Variants in ATF7 observed in about 807,000 individuals in gnomAD.
The protein encoded by ATF7 is activating transcription factor 7, also known as cyclic AMP-dependent transcription factor ATF-7.
A neutral mutation model predicts 50.4 loss-of-function variants in ATF7; 10 were observed. The ratio of observed to expected loss-of-function variants is 0.20; its 90% CI spans 0.12 to 0.34. ATF7 has a LOEUF of 0.34. Among genes scored for constraint, ATF7 ranks in the 10% least tolerant of loss-of-function variants. The pLI is 1.00. For synonymous variants in ATF7, 201 were observed against 226.4 expected (o/e 0.89, Z 1.01); for missense variants, 465 against 613.9 (o/e 0.76, Z 2.56).
At chr12:53,536,258 T>A (rs1273600407) in intron 5 of ATF7, among the ~76,000 whole-genome samples, 1 of 152,070 alleles carries the variant, frequency 6.6e-6, no homozygotes, top group East Asian at 1.9e-4. Flanking sequence ...TCACTCACAT[T>A]GCTGTGTAAT....
At chr12:53,573,759 C>A (rs2137643176) in intron 2 of ATF7, among the ~76,000 whole-genome samples, 1 of 152,290 alleles carries the variant, frequency 6.6e-6, no homozygotes, top group Non-Finnish European at 1.5e-5. Flanking sequence ...AAATACTTTA[C>A]CAGAGCCTAA....
At position 53,523,224 on chromosome 12, in the gene ATF7, G is replaced by A. The variant is rs528309915; in HGVS notation, c.1234+52C>T. On this transcript the variant is annotated intron_variant, in intron 11 of 11. Transcript: ENST00000420353. The stretch of plus-strand genomic sequence containing the variant: ...AAATTATAAGCAGTTGAGACACTCA[G>A]TACATGCAGTTTACTGACTGACTGA... 4 of 1,283,936 alleles carry A rather than the reference G, an allele frequency of 3.1e-6. No individual in the cohort carries two copies. In the South Asian group the frequency reaches 3.6e-5, roughly 11 times the overall value. 79.5% of individuals were successfully genotyped at this position (1,283,936 alleles called of 1,614,324 possible). A position where few individuals can be genotyped will look rare whatever the true frequency, so the allele number is the denominator to read the frequency against.
At chr12:53,517,824 T>C (rs750370354) in intron 11 of ATF7, among the ~76,000 whole-genome samples, 2 of 152,152 alleles carry the variant, frequency 1.3e-5, no homozygotes, top group Non-Finnish European at 2.9e-5. Context: ...CCATCCTCTT[T>C]GATTAATTCT....
intron 2 of ATF7, among the ~76,000 whole-genome samples, chr12:53,573,978 ATACCTCATCACAACT>A (rs1253757222): frequency 6.6e-6 from 1 of 152,230 alleles, no homozygotes; most frequent in East Asian, 1.9e-4. Flanking sequence ...CCTCCCTGTC[ATACCTCATCACAACT>A]TTACTAGGGA....
chr12:53,544,483 A>T (rs1374677565), intron 3 of ATF7, among the ~76,000 whole-genome samples: 1 of 152,218 alleles, frequency 6.6e-6, no homozygotes, highest in East Asian at 1.9e-4. Flanking sequence ...GCAGTGGCTC[A>T]TGCCTGTAAT....
In ATF7 at chr12:53,513,686, G is replaced by C. The variant is rs1427867896; in HGVS notation, c.*3451C>G. 2 of 152,144 alleles carry C rather than the reference G, an allele frequency of 1.3e-5. No homozygotes were observed. The highest frequency in any genetic ancestry group is 4.8e-5 in the African/African-American group (2 of 41,424). The allele number at this position is 152,144 out of a possible 1,614,324, so 9.4% of individuals were successfully genotyped here. On this transcript the variant is annotated 3_prime_UTR_variant, in exon 12 of 12. Transcript: ENST00000420353. ...GATGGGAAGGAAGTTATGAAAAAAG[G>C]AGAAAACTGGCGGGGATAGCTGTAT...
rs553195296 is a variant in ATF7 at position 53,563,592 on chromosome 12, G to A, written c.49-10955C>T. The stretch of plus-strand genomic sequence containing the variant: ...AGATTGTGCCATCGCACTCCAGCCT[G>A]GGCAACAGAACAAGGATGTCTCAAA... On this transcript the variant is annotated intron_variant, in intron 2 of 11. Coordinates refer to ENST00000420353, the MANE Select transcript of ATF7 (RefSeq NM_006856.3). Among the ~76,000 whole-genome samples, 26 of 152,370 alleles carry A rather than the reference G, an allele frequency of 1.7e-4. No individual in the cohort carries two copies. The South Asian group carries it at 3.5e-3, about 21-fold the overall frequency.
At chr12:53,530,254 T>A (rs907683009) in intron 9 of ATF7, among the ~76,000 whole-genome samples, 9 of 152,148 alleles carry the variant, frequency 5.9e-5, no homozygotes, top group African/African-American at 2.2e-4. Context: ...AGCTTTACCG[T>A]AGCATATGGC....
At position 53,529,732 on chromosome 12, in the gene ATF7, CACAT is replaced by C. The variant is rs752667333; in HGVS notation, c.927+2008_927+2011del. On this transcript the variant is annotated intron_variant, in intron 9 of 11. Transcript: ENST00000420353. ...ACATACACACACACACACACACACA[CACAT>C]ATATATATGTTTTTTTTTTTTTGAG... Among the ~76,000 whole-genome samples, 4 of 142,336 alleles carry C rather than the reference CACAT, an allele frequency of 2.8e-5. No homozygotes were observed. In the East Asian group the frequency reaches 7.9e-4, roughly 28 times the overall value. The allele number at this position is 142,336 out of a possible 152,430, so 93.4% of individuals were successfully genotyped here.
At chr12:53,573,131 A>G (rs1941866412) in intron 2 of ATF7, among the ~76,000 whole-genome samples, 1 of 151,712 alleles carries the variant, frequency 6.6e-6, no homozygotes, top group Non-Finnish European at 1.5e-5. Context: ...ATATTTTGAG[A>G]GAGAGAACAC....
intron 2 of ATF7, among the ~76,000 whole-genome samples, chr12:53,572,671 G>C (rs1185562548): frequency 6.6e-6 from 1 of 152,184 alleles, no homozygotes; most frequent in East Asian, 1.9e-4. Context: ...TACTGGTCGA[G>C]TAAGGTGGCT....
chr12:53,570,030 G>T (rs1247956), intron 2 of ATF7, among the ~76,000 whole-genome samples: 56,838 of 152,058 alleles, frequency 0.37, 13,340 homozygotes, highest in Non-Finnish European at 0.52. Flanking sequence ...AGGTCTGATT[G>T]AATTGAGAAA....
intron 2 of ATF7, chr12:53,575,717 G>T: frequency 6.4e-6 from 1 of 156,252 alleles, no homozygotes. Flanking sequence ...AATAAGTGAG[G>T]GCGGGGCTTT....
chr12:53,530,170 A>C lies in ATF7; in HGVS notation c.927+1574T>G, dbSNP rs528322322. On this transcript the variant is annotated intron_variant, in intron 9 of 11. Coordinates refer to ENST00000420353, the MANE Select transcript of ATF7 (RefSeq NM_006856.3). The stretch of plus-strand genomic sequence containing the variant: ...CTTTGCCATCTTCAGGACTGGCTTC[A>C]GTGGGGTTACAGGAGGGTAGGCAGC... Among the ~76,000 whole-genome samples the C allele has an allele frequency of 3.9e-5, 6 of 152,330 alleles. No homozygotes were observed. In the South Asian group the frequency reaches 1.2e-3, roughly 32 times the overall value.
intron 4 of ATF7, among the ~76,000 whole-genome samples, chr12:53,538,912 T>C (rs17696389): frequency 0.082 from 12,417 of 152,194 alleles, 691 homozygotes; most frequent in Non-Finnish European, 0.12. Context: ...AGCTAAGATG[T>C]CAGGTCCAAT....
intron 2 of ATF7, among the ~76,000 whole-genome samples, chr12:53,572,202 C>T (rs1941802767): frequency 6.6e-6 from 1 of 152,166 alleles, no homozygotes. Flanking sequence ...GTCACTCTAT[C>T]CTAACAACAA....
intron 3 of ATF7, among the ~76,000 whole-genome samples, chr12:53,546,228 A>C (rs1298849345): frequency 6.7e-6 from 1 of 150,234 alleles, no homozygotes; most frequent in Non-Finnish European, 1.5e-5. Flanking sequence ...AACAAAAAAC[A>C]ACCAACAAAA....
chr12:53,612,619 G>C (rs1384535913), intron 1 of ATF7, among the ~76,000 whole-genome samples: 1 of 152,110 alleles, frequency 6.6e-6, no homozygotes, highest in Non-Finnish European at 1.5e-5. Context: ...TCTCAAAGTG[G>C]GCTCCAGGGA....
intron 9 of ATF7, 28 bp downstream of exon 9, chr12:53,531,716 T>C (rs369215866): frequency 2.5e-6 from 4 of 1,592,230 alleles, no homozygotes; most frequent in Non-Finnish European, 3.4e-6. Flanking sequence ...GTCATAAAGA[T>C]ATGACATAAA....
Sources: allele counts gnomAD v4.1 joint callset (sites outside exome capture counted in the v4.1 genomes callset), GRCh38; gene constraint gnomAD v4.1.1; transcripts MANE v1.5; gene names NCBI Gene and HGNC (gene_info 2026-07-23, HGNC 2026-07-21).